ATP10B: variants seen among roughly 807,000 people sequenced by gnomAD.
The protein encoded by ATP10B is ATPase phospholipid transporting 10B (putative).
ATP10B carries 122 observed loss-of-function variants against 141.2 expected under a neutral mutation model. That is an observed-to-expected ratio of 0.86 (90% CI 0.75 to 1.00). The LOEUF (loss-of-function observed/expected upper bound fraction) is 1.00, where lower values mean the gene tolerates loss of function less well. Among genes scored for constraint, ATP10B ranks in the 50% least tolerant of loss-of-function variants. ATP10B has a pLI of 0.00. For missense variants in ATP10B, 1,876 were observed against 1,825.3 expected (o/e 1.03, Z -0.51); for synonymous variants, 685 against 692.0 (o/e 0.99, Z 0.16).
At chr5:160,621,084 C>A in intron 14 of ATP10B, 134 bp from the exon 15 acceptor site, 1 of 1,086,858 alleles carries the variant, frequency 9.2e-7, no homozygotes, top group Non-Finnish European at 1.3e-6. Flanking sequence ...AAATTCTAAG[C>A]ATTGACAATG....
At chr5:160,584,343 C>T (rs769799265) in intron 24 of ATP10B, among the ~76,000 whole-genome samples, 11 of 152,148 alleles carry the variant, frequency 7.2e-5, no homozygotes, top group Admixed American at 2.0e-4. Flanking sequence ...TACTTTGGCT[C>T]GCTCTCTGTG....
the ATP10B span, among the ~76,000 whole-genome samples, chr5:160,882,539 C>A: frequency 1.3e-5 from 2 of 152,050 alleles, no homozygotes; most frequent in Non-Finnish European, 2.9e-5. Flanking sequence ...GCCTCAGCCT[C>A]CCAAATTGCT....
chr5:160,829,208 AAT>A (rs1774877706), intron 1 of ATP10B, among the ~76,000 whole-genome samples: 1 of 149,042 alleles, frequency 6.7e-6, no homozygotes, highest in African/African-American at 2.5e-5. Flanking sequence ...AAAGTATAAT[AAT>A]AAAAAAAAAA....
intron 1 of ATP10B, among the ~76,000 whole-genome samples, chr5:160,807,765 G>T (rs1300693562): frequency 2.6e-5 from 4 of 152,166 alleles, no homozygotes; most frequent in Non-Finnish European, 5.9e-5. Context: ...ATGTGATAAT[G>T]TTGAATTTAA....
At chr5:160,590,331 C>G (rs570650007) in intron 23 of ATP10B, among the ~76,000 whole-genome samples, 3 of 152,060 alleles carry the variant, frequency 2.0e-5, no homozygotes, top group African/African-American at 7.2e-5. Context: ...GAAGTTCAAG[C>G]AAAACACAAG....
At chr5:160,844,114 A>C (rs1775977988) in intron 1 of ATP10B, among the ~76,000 whole-genome samples, 1 of 152,178 alleles carries the variant, frequency 6.6e-6, no homozygotes, top group African/African-American at 2.4e-5. Flanking sequence ...TGGGAATGTA[A>C]ATTGGAATAA....
At chr5:160,836,710 C>A (rs2127982562) in intron 1 of ATP10B, among the ~76,000 whole-genome samples, 1 of 152,194 alleles carries the variant, frequency 6.6e-6, no homozygotes, top group South Asian at 2.1e-4. Flanking sequence ...TACATTTGGT[C>A]CCTCTGGTTC....
At chr5:160,922,772 G>T in the ATP10B span, among the ~76,000 whole-genome samples, 1,398 of 152,318 alleles carry the variant, frequency 9.2e-3, 23 homozygotes, top group African/African-American at 0.032. Flanking sequence ...TGCTCTGGGT[G>T]CTGGGGACAG....
the ATP10B span, among the ~76,000 whole-genome samples, chr5:160,909,256 G>A: frequency 5.3e-5 from 8 of 152,266 alleles, no homozygotes; most frequent in East Asian, 1.2e-3. Flanking sequence ...AATTCAAAAC[G>A]TGATGGAAGG....
the ATP10B span, among the ~76,000 whole-genome samples, chr5:160,862,745 TCA>T: frequency 3.3e-5 from 5 of 152,000 alleles, no homozygotes; most frequent in Non-Finnish European, 4.4e-5. Context: ...CAATCCTTTA[TCA>T]ATCTTTATTC....
chr5:160,920,738 G>C, the ATP10B span, among the ~76,000 whole-genome samples: 1 of 152,200 alleles, frequency 6.6e-6, no homozygotes. Context: ...ACACTTCAAT[G>C]TCATGCAAAC....
the ATP10B span, among the ~76,000 whole-genome samples, chr5:160,900,896 G>A: frequency 2.8e-5 from 4 of 145,424 alleles, no homozygotes; most frequent in East Asian, 2.0e-4. Flanking sequence ...AATCCTTTTG[G>A]GGGGTAGAGA....
chr5:160,920,191 T>A, the ATP10B span, among the ~76,000 whole-genome samples: 2 of 152,180 alleles, frequency 1.3e-5, no homozygotes, highest in Admixed American at 6.5e-5. Flanking sequence ...TCTGACACCA[T>A]CTCATGACAG....
At chr5:160,700,581 G>T (rs1764611604) in intron 3 of ATP10B, among the ~76,000 whole-genome samples, 1 of 152,190 alleles carries the variant, frequency 6.6e-6, no homozygotes, top group African/African-American at 2.4e-5. Context: ...CAGAAATGGA[G>T]AACTTTTCAT....
upstream of ATP10B, among the ~76,000 whole-genome samples, chr5:160,854,195 TA>T (rs1228108312): frequency 6.6e-6 from 1 of 152,144 alleles, no homozygotes; most frequent in African/African-American, 2.4e-5. Context: ...TATTTTTTAT[TA>T]TACTTTAAAG....
Position 160,686,063 on chromosome 5 carries a change from G to A in ATP10B, c.470+16C>T, listed in dbSNP as rs1345878846. The A allele has an allele frequency of 2.6e-6, 4 of 1,537,180 alleles. No individual in the cohort carries two copies. The highest frequency in any genetic ancestry group is 2.7e-5 in the African/African-American group (2 of 73,580). On this transcript the variant is annotated intron_variant, in intron 6 of 25. Coordinates refer to ENST00000327245, the MANE Select transcript of ATP10B (RefSeq NM_025153.3). ...AACCCATTTGCAAGAGAGAACACAG[G>A]GATGGTTTTTCTTACCTTTCATAAA...
the ATP10B span, among the ~76,000 whole-genome samples, chr5:160,928,937 G>C: frequency 6.6e-6 from 1 of 152,194 alleles, no homozygotes; most frequent in Non-Finnish European, 1.5e-5. Flanking sequence ...CGACCACATA[G>C]AGCTATCACC....
intron 2 of ATP10B, among the ~76,000 whole-genome samples, chr5:160,762,108 G>A (rs1011229207): frequency 2.6e-5 from 4 of 152,196 alleles, no homozygotes; most frequent in Admixed American, 6.5e-5. Context: ...TTTTCTTGAG[G>A]AAGAAAAGAA....
In ATP10B at chr5:160,686,006, C is replaced by G. The variant is rs1236800006; in HGVS notation, c.470+73G>C. On this transcript the variant is annotated intron_variant, in intron 6 of 25. Transcript: ENST00000327245. Reference sequence around the variant, plus strand: ...GGAAAATAAAATCGAAGAAAAGAGACTCATCCTGAGGCTATGCTGATGAGT... The same window carrying G: ...GGAAAATAAAATCGAAGAAAAGAGAGTCATCCTGAGGCTATGCTGATGAGT... The G allele has an allele frequency of 5.3e-6, 6 of 1,137,252 alleles. No homozygotes were observed. The African/African-American group carries it at 9.3e-5, about 18-fold the overall frequency. The allele number at this position is 1,137,252 out of a possible 1,614,324, so 70.4% of individuals were successfully genotyped here. A position where few individuals can be genotyped will look rare whatever the true frequency, so the allele number is the denominator to read the frequency against.
Sources: gnomAD v4.1 joint callset for allele counts (sites outside exome capture counted in the v4.1 genomes callset) on GRCh38, gnomAD v4.1.1 for gene constraint, MANE v1.5 for transcripts, NCBI Gene and HGNC (gene_info 2026-07-23, HGNC 2026-07-21) for gene names.